The following PCDHA1 variants were observed in gnomAD, a reference collection of about 807,000 sequenced individuals.
PCDHA1 encodes protocadherin alpha 1.
In PCDHA1, 42 loss-of-function variants were observed where a neutral mutation model predicts 61.3. The observed-to-expected ratio is 0.69, with a 90% CI of 0.54 to 0.89. PCDHA1 has a LOEUF of 0.89. PCDHA1 is among the 40% of genes least tolerant of loss of function. The pLI, the probability that PCDHA1 is intolerant of heterozygous loss-of-function variation, is 0.00. For missense variants in PCDHA1, 1,256 were observed against 1,235.3 expected (o/e 1.02, Z -0.25); for synonymous variants, 610 against 553.8 (o/e 1.10, Z -1.43).
chr5:140,849,743 G>A lies in PCDHA1; in HGVS notation c.2394+61059G>A, dbSNP rs1554143245. ...TGCTGGACAGAGCTCTGGACCGCGA[G>A]AGTGTGTCCGCCTACGAGCTGGTGG... On this transcript the variant is annotated intron_variant, in intron 1 of 3. Transcript: ENST00000504120. 4 of 1,598,390 alleles carry A rather than the reference G, an allele frequency of 2.5e-6. No individual in the cohort carries two copies. The Admixed American group carries it at 6.7e-5, about 27-fold the overall frequency.
intron 1 of PCDHA1, chr5:140,815,761 G>A (rs1765789123): frequency 6.6e-6 from 1 of 152,074 alleles, no homozygotes; most frequent in Non-Finnish European, 1.5e-5. Context: ...TTCTTGTAAG[G>A]CAAGTCTAAT....
At chr5:140,906,995 C>T (rs1177237804) in intron 1 of PCDHA1, among the ~76,000 whole-genome samples, 1 of 152,164 alleles carries the variant, frequency 6.6e-6, no homozygotes, top group Non-Finnish European at 1.5e-5. Flanking sequence ...GCATTCCTCC[C>T]TCTGGAACTA....
chr5:140,882,149 G>A (rs2058970957), intron 1 of PCDHA1: 2 of 1,501,900 alleles, frequency 1.3e-6, no homozygotes, highest in Middle Eastern at 4.3e-4. Flanking sequence ...ATAGCAGAAA[G>A]CGGAATACCT....
At chr5:140,893,141 C>A (rs1412974583) in intron 1 of PCDHA1, among the ~76,000 whole-genome samples, 1 of 152,192 alleles carries the variant, frequency 6.6e-6, no homozygotes, top group African/African-American at 2.4e-5. Flanking sequence ...TTTATCCACT[C>A]ATCTGTTGAT....
In PCDHA1 at chr5:140,786,445, T is replaced by C; in HGVS notation, c.155T>C (p.Leu52Pro). Residue 52 changes from leucine (L) to proline (P), a missense_variant, in exon 1 of 4, where the codon CTG (leucine) becomes CCG (proline). Physicochemically the swap from Leu to Pro is moderately conservative, Grantham distance 98. Transcript: ENST00000504120. ...GTFVGRVAQD[L>P]GLELAELVPR... is the part of the protein sequence containing the mutation. ...TTCGTTGGCCGCGTTGCTCAGGACC[T>C]GGGACTGGAGCTGGCGGAGCTGGTG... 6.2e-7 allele frequency: 1 copy of C among 1,613,530 alleles called. No individual in the cohort carries two copies. The highest frequency in any genetic ancestry group is 8.5e-7 in the Non-Finnish European group (1 of 1,180,042).
intron 1 of PCDHA1, chr5:140,812,413 T>C (rs2126638676): frequency 6.6e-6 from 1 of 152,122 alleles, no homozygotes; most frequent in African/African-American, 2.4e-5. Context: ...GTCAGTTTTG[T>C]TGTTTTTTCA....
In PCDHA1 at chr5:140,843,242, G is replaced by T. The variant is rs2150355808; in HGVS notation, c.2394+54558G>T. On this transcript the variant is annotated intron_variant, in intron 1 of 3. Transcript: ENST00000504120. Reference sequence around the variant, plus strand: ...CACCACTCGTGTCCTGGACGAAGCGGACTCTCCGCGCCACCGTCTGCTGGT... The same window carrying T: ...CACCACTCGTGTCCTGGACGAAGCGTACTCTCCGCGCCACCGTCTGCTGGT... 2.5e-5 allele frequency: 40 copies of T among 1,596,002 alleles called. 3 individuals carry two copies. In the African/African-American group the frequency reaches 3.4e-4, roughly 13 times the overall value.
chr5:140,962,889 A>G (rs1554226313), intron 1 of PCDHA1, among the ~76,000 whole-genome samples: 2 of 152,220 alleles, frequency 1.3e-5, no homozygotes, highest in Admixed American at 6.5e-5. Flanking sequence ...GAATTAAAAA[A>G]TGAAAACTAG....
chr5:140,961,114 A>G (rs2095591473), intron 1 of PCDHA1, among the ~76,000 whole-genome samples: 1 of 152,212 alleles, frequency 6.6e-6, no homozygotes, highest in African/African-American at 2.4e-5. Flanking sequence ...ACCCCCTTGC[A>G]TCTTAATGTC....
At chr5:140,802,999 C>T (rs782171071) in intron 1 of PCDHA1, 2 of 1,613,930 alleles carry the variant, frequency 1.2e-6, no homozygotes, top group Non-Finnish European at 8.5e-7. Context: ...GATGCAGACT[C>T]AGGCTACAAC....
At position 140,802,912 on chromosome 5, in the gene PCDHA1, G is replaced by T. The variant is rs544698058; in HGVS notation, c.2394+14228G>T. On this transcript the variant is annotated intron_variant, in intron 1 of 3. Coordinates refer to ENST00000504120, the MANE Select transcript of PCDHA1 (RefSeq NM_018900.4). ...GCACTGCTGATGCCTCGGGTGGGTGGCATCGGTGGCGCAGTGAGCGAGCTG... is the reference window on the plus strand; with the variant it reads ...GCACTGCTGATGCCTCGGGTGGGTGTCATCGGTGGCGCAGTGAGCGAGCTG... The T allele has an allele frequency of 3.7e-6, 6 of 1,613,746 alleles. No individual in the cohort carries two copies. In the African/African-American group the frequency reaches 8.0e-5, roughly 21 times the overall value.
chr5:140,854,977 T>TAAA (rs1554147539), intron 1 of PCDHA1, among the ~76,000 whole-genome samples: 1 of 149,962 alleles, frequency 6.7e-6, no homozygotes, highest in Non-Finnish European at 1.5e-5. Flanking sequence ...GAATTATAAT[T>TAAA]AAGATTCTTT....
intron 3 of PCDHA1, among the ~76,000 whole-genome samples, chr5:140,991,929 C>T (rs1250639930): frequency 1.3e-5 from 2 of 152,088 alleles, no homozygotes; most frequent in South Asian, 2.1e-4. Flanking sequence ...ATAACATATT[C>T]ACAAGTTCTA....
At chr5:141,003,143 ACT>A (rs1162243146) in intron 3 of PCDHA1, among the ~76,000 whole-genome samples, 1 of 152,180 alleles carries the variant, frequency 6.6e-6, no homozygotes, top group East Asian at 1.9e-4. Context: ...CTTGGCAAAG[ACT>A]CTGACCTGAT....
chr5:140,848,363 A>C, intron 1 of PCDHA1: 1 of 1,078,860 alleles, frequency 9.3e-7, no homozygotes, highest in Non-Finnish European at 1.4e-6. Flanking sequence ...CCCATGGGAA[A>C]GAGGCTCAAT....
intron 1 of PCDHA1, chr5:140,835,547 C>A: frequency 1.2e-6 from 2 of 1,613,960 alleles, no homozygotes; most frequent in Non-Finnish European, 1.7e-6. Context: ...TTACCTGCTC[C>A]CTGACGCCCC....
Position 140,932,015 on chromosome 5 carries a change from C to T in PCDHA1, c.2395-46934C>T, listed in dbSNP as rs150185692. Reference sequence around the variant, plus strand: ...TTCTAAGTTCTTTCATTTTAGTTTACGGTAAGTTTACAGTATATATTAACA... The same window carrying T: ...TTCTAAGTTCTTTCATTTTAGTTTATGGTAAGTTTACAGTATATATTAACA... On this transcript the variant is annotated intron_variant, in intron 1 of 3. Coordinates refer to ENST00000504120, the MANE Select transcript of PCDHA1 (RefSeq NM_018900.4). Among the ~76,000 whole-genome samples, 8 of 151,784 alleles carry T rather than the reference C, an allele frequency of 5.3e-5. No homozygotes were observed. The East Asian group carries it at 5.8e-4, about 11-fold the overall frequency.
Position 140,843,621 on chromosome 5 carries a change from C to T in PCDHA1, c.2394+54937C>T, listed in dbSNP as rs2150363692. On this transcript the variant is annotated intron_variant, in intron 1 of 3. Transcript: ENST00000504120. ...TGCTCTGGTGAGGGGCCACCGAAGA[C>T]GGACCTCATGGCCTTCAGCCCCTGC... The T allele has an allele frequency of 1.0e-5, 16 of 1,596,050 alleles. 1 individual carries two copies. The South Asian group carries it at 1.8e-4, about 18-fold the overall frequency.
At chr5:140,824,013 C>A in intron 1 of PCDHA1, 2 of 1,614,156 alleles carry the variant, frequency 1.2e-6, no homozygotes, top group Non-Finnish European at 1.7e-6. Flanking sequence ...CGGTGGGGAG[C>A]TGGTCGTACT....
Sources: gnomAD v4.1 joint callset for allele counts (sites outside exome capture counted in the v4.1 genomes callset) on GRCh38, gnomAD v4.1.1 for gene constraint, MANE v1.5 for transcripts, NCBI Gene and HGNC (gene_info 2026-07-23, HGNC 2026-07-21) for gene names.